Variants in PTPRO observed in about 807,000 individuals in gnomAD.
PTPRO encodes the protein receptor-type tyrosine-protein phosphatase O.
PTPRO carries 62 observed loss-of-function variants against 145.2 expected under a neutral mutation model. The observed-to-expected ratio is 0.43, with a 90% CI of 0.35 to 0.53. The LOEUF is 0.53. PTPRO is among the 20% of genes least tolerant of loss of function. PTPRO has a pLI of 0.01. For synonymous variants in PTPRO, 565 were observed against 514.7 expected (o/e 1.10, Z -1.32); for missense variants, 1,345 against 1,482.7 (o/e 0.91, Z 1.53).
chr12:15,418,743 G>C (rs1940051859), intron 1 of PTPRO, among the ~76,000 whole-genome samples: 1 of 151,706 alleles, frequency 6.6e-6, no homozygotes, highest in South Asian at 2.1e-4. Flanking sequence ...CTGAGGCAAT[G>C]GAGTACTGGG....
intron 11 of PTPRO, among the ~76,000 whole-genome samples, chr12:15,525,427 G>C (rs973295769): frequency 6.6e-6 from 1 of 152,182 alleles, no homozygotes; most frequent in African/African-American, 2.4e-5. Context: ...AAACAAAATA[G>C]AAGTTTATAC....
At chr12:15,525,063 T>C in intron 11 of PTPRO, 98 bp downstream of exon 11, 1 of 1,398,908 alleles carries the variant, frequency 7.1e-7, no homozygotes, top group Admixed American at 1.7e-5. Context: ...GTCAAATGTT[T>C]GCATACCAGT....
intron 12 of PTPRO, among the ~76,000 whole-genome samples, chr12:15,530,486 G>T (rs1168914714): frequency 1.3e-5 from 2 of 152,046 alleles, no homozygotes; most frequent in African/African-American, 4.8e-5. Flanking sequence ...ACACAAAACA[G>T]GTCTCAACAA....
intron 18 of PTPRO, among the ~76,000 whole-genome samples, chr12:15,566,752 C>T (rs950729561): frequency 6.6e-6 from 1 of 152,112 alleles, no homozygotes; most frequent in South Asian, 2.1e-4. Context: ...AACTCCTGAC[C>T]TCATGTGATC....
At chr12:15,516,120 A>G (rs1942578246) in intron 8 of PTPRO, among the ~76,000 whole-genome samples, 1 of 150,626 alleles carries the variant, frequency 6.6e-6, no homozygotes, top group Admixed American at 6.6e-5. Context: ...CCTCCTGAGC[A>G]GCTGGGACTA....
chr12:15,441,699 A>G (rs1259657141), intron 1 of PTPRO, among the ~76,000 whole-genome samples: 2 of 152,108 alleles, frequency 1.3e-5, no homozygotes, highest in African/African-American at 4.8e-5. Flanking sequence ...AAAATACAGA[A>G]AATCCTTGGA....
At chr12:15,411,103 G>T (rs1939786239) in intron 1 of PTPRO, among the ~76,000 whole-genome samples, 2 of 152,080 alleles carry the variant, frequency 1.3e-5, no homozygotes, top group South Asian at 4.2e-4. Flanking sequence ...ATGCTCCTTA[G>T]GTCAGTCAGT....
In PTPRO at chr12:15,482,734, G is replaced by A. The variant is rs148446818; in HGVS notation, c.76-1240G>A. Among the ~76,000 whole-genome samples the A allele has an allele frequency of 8.1e-3, 1,230 of 152,112 alleles. 14 individuals are homozygous for A. Among genetic ancestry groups the A allele is most frequent in the African/African-American group, 0.028 (1,171 of 41,514 alleles). ...TGTTAGAGGCAAATGCCCATATATC[G>A]TCAATTTAATCAGCCATTCCTTCAC... On this transcript the variant is annotated intron_variant, in intron 1 of 26. Coordinates refer to ENST00000281171, the MANE Select transcript of PTPRO (RefSeq NM_030667.3).
intron 1 of PTPRO, among the ~76,000 whole-genome samples, chr12:15,450,325 G>A (rs542485895): frequency 7.2e-5 from 11 of 152,084 alleles, no homozygotes; most frequent in Non-Finnish European, 1.5e-4. Context: ...TTAAGGAAAC[G>A]ACTCTTTCCC....
rs139018127 is a variant in PTPRO at position 15,478,534 on chromosome 12, C to T, written c.76-5440C>T. The stretch of plus-strand genomic sequence containing the variant: ...TCTTTTTAAGGATTACAAACCTTTG[C>T]GCATGTGTGTTTAATTTGGGTATGG... On this transcript the variant is annotated intron_variant, in intron 1 of 26. Coordinates refer to ENST00000281171, the MANE Select transcript of PTPRO (RefSeq NM_030667.3). Among the ~76,000 whole-genome samples the T allele has an allele frequency of 2.0e-4, 31 of 152,130 alleles. No individual in the cohort carries two copies. The East Asian group carries it at 4.1e-3, about 20-fold the overall frequency.
chr12:15,583,498 C>A (rs6488787), intron 23 of PTPRO, among the ~76,000 whole-genome samples: 112,884 of 150,022 alleles, frequency 0.75, 42,636 homozygotes, highest in South Asian at 0.8. Flanking sequence ...CACACACACA[C>A]AAAAAAAATC....
chr12:15,523,332 G>C (rs1947650437), intron 10 of PTPRO, among the ~76,000 whole-genome samples: 1 of 152,122 alleles, frequency 6.6e-6, no homozygotes, highest in Admixed American at 6.5e-5. Flanking sequence ...CATACACCTG[G>C]AATTTAAATT....
intron 9 of PTPRO, among the ~76,000 whole-genome samples, chr12:15,517,796 C>G (rs1426919158): frequency 6.6e-6 from 1 of 152,190 alleles, no homozygotes; most frequent in Non-Finnish European, 1.5e-5. Context: ...AGGTGGGTTC[C>G]CATGGTCTTA....
chr12:15,468,747 C>G (rs917944279), intron 1 of PTPRO, among the ~76,000 whole-genome samples: 4 of 152,196 alleles, frequency 2.6e-5, no homozygotes, highest in Non-Finnish European at 2.9e-5. Flanking sequence ...AAGAAGCATA[C>G]AGCAGGCACT....
At chr12:15,479,474 A>C (rs57425411) in intron 1 of PTPRO, among the ~76,000 whole-genome samples, 1,680 of 152,096 alleles carry the variant, frequency 0.011, 28 homozygotes, top group African/African-American at 0.038. Flanking sequence ...TCTGCTCCCC[A>C]CTATTTCATA....
At chr12:15,461,566 C>CTTTTTT (rs141018489) in intron 1 of PTPRO, among the ~76,000 whole-genome samples, 5 of 70,520 alleles carry the variant, frequency 7.1e-5, no homozygotes, top group African/African-American at 2.3e-4. Flanking sequence ...ATTGCTATAG[C>CTTTTTT]TTTTTTTTTT....
At chr12:15,550,971 G>A (rs906248795) in intron 14 of PTPRO, among the ~76,000 whole-genome samples, 2 of 152,246 alleles carry the variant, frequency 1.3e-5, no homozygotes, top group African/African-American at 4.8e-5. Flanking sequence ...CTATTAATAG[G>A]TTTTATCTCT....
chr12:15,409,845 A>AC (rs941042668), intron 1 of PTPRO, among the ~76,000 whole-genome samples: 1 of 152,104 alleles, frequency 6.6e-6, no homozygotes, highest in Admixed American at 6.5e-5. Flanking sequence ...TGAGAAATCT[A>AC]CCCCCATGAC....
intron 1 of PTPRO, among the ~76,000 whole-genome samples, chr12:15,478,912 C>T (rs1199136755): frequency 6.6e-6 from 1 of 152,142 alleles, no homozygotes; most frequent in Non-Finnish European, 1.5e-5. Flanking sequence ...ATCTCGTGAT[C>T]CGCCCGCCTC....
Sources: gnomAD v4.1 joint callset for allele counts (sites outside exome capture counted in the v4.1 genomes callset) on GRCh38, gnomAD v4.1.1 for gene constraint, MANE v1.5 for transcripts, NCBI Gene and HGNC (gene_info 2026-07-23, HGNC 2026-07-21) for gene names.